The following DST variants were observed in gnomAD, a reference collection of about 807,000 sequenced individuals.
DST encodes the protein bullous pemphigoid antigen.
Under a neutral mutation model 875.2 loss-of-function variants are expected in DST, and 253 were observed. The ratio of observed to expected loss-of-function variants is 0.29; its 90% CI spans 0.26 to 0.32. The LOEUF is 0.32. Among genes scored for constraint, DST ranks in the 10% least tolerant of loss-of-function variants. The pLI is 1.00. For missense variants in DST, 8,287 were observed against 9,111.6 expected, an observed-to-expected ratio of 0.91 and a Z score of 3.68; for synonymous variants, 3,124 against 3,197.1, an observed-to-expected ratio of 0.98 and a Z score of 0.77.
chr6:56,571,021 T>G (rs1415223523), intron 53 of DST, among the ~76,000 whole-genome samples: 5 of 152,136 alleles, frequency 3.3e-5, no homozygotes, highest in African/African-American at 1.2e-4. Flanking sequence ...TCTCCCAAAA[T>G]GAGTTGAAAC....
At chr6:56,554,803 T>C (rs1696103921) in intron 60 of DST, among the ~76,000 whole-genome samples, 1 of 152,210 alleles carries the variant, frequency 6.6e-6, no homozygotes, top group Non-Finnish European at 1.5e-5. Context: ...AAATGTGTCT[T>C]TCTTCATCAG....
chr6:56,539,596 C>G (rs2097087070), intron 61 of DST, among the ~76,000 whole-genome samples: 1 of 152,042 alleles, frequency 6.6e-6, no homozygotes, highest in Non-Finnish European at 1.5e-5. Context: ...CCAAGTTTAC[C>G]AGAAGAGTTT....
intron 61 of DST, among the ~76,000 whole-genome samples, chr6:56,544,867 G>C (rs74336920): frequency 0.012 from 1,762 of 152,168 alleles, 32 homozygotes; most frequent in African/African-American, 0.039. Flanking sequence ...ACATGTAAGA[G>C]CTCATATATA....
intron 10 of DST, among the ~76,000 whole-genome samples, chr6:56,651,734 T>C (rs2098976872): frequency 6.6e-6 from 1 of 152,198 alleles, no homozygotes; most frequent in African/African-American, 2.4e-5. Context: ...CCACCTCCTC[T>C]ATGGAGCCTG....
chr6:56,476,699 G>A (rs1216182887), intron 91 of DST, among the ~76,000 whole-genome samples: 1 of 152,220 alleles, frequency 6.6e-6, no homozygotes, highest in Non-Finnish European at 1.5e-5. Context: ...GCTCACGCCT[G>A]TAATCCCAGC....
Position 56,604,697 on chromosome 6 carries a change from A to C in DST, c.9931T>G (p.Tyr3311Asp). 1 of 1,611,948 alleles carries C rather than the reference A, an allele frequency of 6.2e-7. No individual in the cohort carries two copies. Among genetic ancestry groups the C allele is most frequent in the Non-Finnish European group, 8.5e-7 (1 of 1,178,718 alleles). ...TTATTATTAATTTCTAAGAATGAAT[A>C]GTCAGTATTTAAAGTGTTACTGGAG... ...DNSSNTLNTD[Y>D]SFLEINNKKE... Residue 3311 changes from tyrosine to aspartate, a missense_variant, in exon 40 of 104, where the codon TAT becomes GAT. Physicochemically the swap from Tyr to Asp is radical, Grantham distance 160. Coordinates refer to ENST00000680361, the MANE Select transcript of DST (RefSeq NM_001374736.1).
chr6:56,572,293 AT>A, intron 52 of DST, 27 bp from the exon 53 acceptor site: 1 of 1,488,450 alleles, frequency 6.7e-7, no homozygotes, highest in Non-Finnish European at 9.1e-7. Context: ...TATTCAGTCA[AT>A]ATAAATGTTG....
chr6:56,580,629 G>A (rs531579175), intron 49 of DST, among the ~76,000 whole-genome samples: 1 of 151,534 alleles, frequency 6.6e-6, no homozygotes, highest in East Asian at 1.9e-4. Flanking sequence ...CTAGTAGACA[G>A]CACTGCTGGA....
intron 58 of DST, among the ~76,000 whole-genome samples, chr6:56,559,239 T>C (rs114842773): frequency 0.027 from 4,068 of 152,232 alleles, 79 homozygotes; most frequent in Non-Finnish European, 0.045. Flanking sequence ...GAAGGTTTTT[T>C]GAACTACATA....
At chr6:56,949,480 C>A (rs188855389) in intron 2 of DST, among the ~76,000 whole-genome samples, 7 of 152,246 alleles carry the variant, frequency 4.6e-5, no homozygotes, top group African/African-American at 7.2e-5. Flanking sequence ...ACAGAAAAAA[C>A]CAGTAACTAT....
intron 2 of DST, among the ~76,000 whole-genome samples, chr6:56,926,025 G>A (rs1806900831): frequency 6.6e-6 from 1 of 152,144 alleles, no homozygotes; most frequent in Non-Finnish European, 1.5e-5. Flanking sequence ...GTAAGCAGAT[G>A]TAGAAAGTGT....
intron 72 of DST, among the ~76,000 whole-genome samples, chr6:56,514,906 A>T (rs547122248): frequency 1.2e-4 from 18 of 152,362 alleles, no homozygotes; most frequent in African/African-American, 4.3e-4. Flanking sequence ...ACTTACAGGA[A>T]CAAGAACTTC....
At chr6:56,730,107 G>C (rs527575524) in intron 5 of DST, among the ~76,000 whole-genome samples, 8 of 152,164 alleles carry the variant, frequency 5.3e-5, no homozygotes, top group Admixed American at 3.3e-4. Flanking sequence ...TTAAAATATA[G>C]CTGATCAGTA....
chr6:56,603,386 A>C lies in DST; in HGVS notation c.10976T>G (p.Ile3659Ser). Residue 3659 changes from isoleucine to serine, a missense_variant, in exon 42 of 104, where the codon ATT becomes AGT. Ile to Ser is a moderately radical substitution (Grantham distance 142). Transcript: ENST00000680361. Reference sequence around the variant, plus strand: ...TGCCAACTTCATATCTTTTCTTAAAATAACAGCAATTGGAGCTAATCCCAA... The same window carrying C: ...TGCCAACTTCATATCTTTTCTTAAACTAACAGCAATTGGAGCTAATCCCAA... ...FELGLAPIAVILRKDMKLAEE... is the reference protein window; with the variant it reads ...FELGLAPIAVSLRKDMKLAEE... 6.2e-7 allele frequency: 1 copy of C among 1,610,886 alleles called. No individual in the cohort carries two copies. The highest frequency in any genetic ancestry group is 1.7e-4 in the Middle Eastern group (1 of 6,044).
Position 56,604,206 on chromosome 6 carries a change from G to A in DST, c.10422C>T (p.Asp3474=). ...TAGACGTAATGCCTCTTTTCTCTAG[G>A]TCATACTCCATATGAGTTAATTCTC... The part of the protein sequence containing the change: ...LMRELTHMEY[D]LEKRGITSKV... The change falls in exon 40 of 104, where the codon GAC becomes GAT. Residue 3474 remains aspartate (D), a synonymous_variant. Transcript: ENST00000680361. The A allele has an allele frequency of 1.2e-6, 2 of 1,605,822 alleles. No homozygotes were observed. Among genetic ancestry groups the A allele is most frequent in the Non-Finnish European group, 1.7e-6 (2 of 1,175,434 alleles).
intron 3 of DST, among the ~76,000 whole-genome samples, chr6:56,898,055 A>C (rs1376244583): frequency 6.6e-6 from 1 of 152,206 alleles, no homozygotes; most frequent in African/African-American, 2.4e-5. Context: ...TGCCTTCATT[A>C]AACTCTCTTC....
At chr6:56,869,949 GT>G (rs1399100435) in intron 3 of DST, among the ~76,000 whole-genome samples, 1 of 151,998 alleles carries the variant, frequency 6.6e-6, no homozygotes, top group Non-Finnish European at 1.5e-5. Context: ...GCCTCCTAAA[GT>G]GCTGGGATTA....
At chr6:56,622,243 T>C (rs1220691214) in intron 36 of DST, among the ~76,000 whole-genome samples, 2 of 152,154 alleles carry the variant, frequency 1.3e-5, no homozygotes, top group African/African-American at 2.4e-5. Context: ...TATCTGTTGT[T>C]GAACCCTCAA....
chr6:56,843,376 C>G lies in DST; in HGVS notation c.625+8021G>C, dbSNP rs1345415692. The G allele has an allele frequency of 1.5e-5, 17 of 1,162,214 alleles. No homozygotes were observed. In the South Asian group the frequency reaches 6.9e-4, roughly 47 times the overall value. The allele number at this position is 1,162,214 out of a possible 1,614,324, so 72.0% of individuals were successfully genotyped here. A position where few individuals can be genotyped will look rare whatever the true frequency, so the allele number is the denominator to read the frequency against. On this transcript the variant is annotated intron_variant, in intron 4 of 103. Coordinates refer to ENST00000680361, the MANE Select transcript of DST (RefSeq NM_001374736.1). ...CCGGGCAGGCCGATGGTGGGCCGCC[C>G]GGCTCCGGGAGCCCGAGTCCCTCTC...
Sources: gnomAD v4.1 joint callset for allele counts (sites outside exome capture counted in the v4.1 genomes callset) on GRCh38, gnomAD v4.1.1 for gene constraint, MANE v1.5 for transcripts, NCBI Gene and HGNC (gene_info 2026-07-23, HGNC 2026-07-21) for gene names.